Variants in HRNR observed in about 807,000 individuals in gnomAD.
The protein encoded by HRNR is filaggrin family member 3.
A neutral mutation model predicts 4.8 loss-of-function variants in HRNR; 7 were observed. The ratio of observed to expected loss-of-function variants is 1.47; its 90% CI spans 0.83 to 2.75. The LOEUF (loss-of-function observed/expected upper bound fraction) is 2.75. HRNR is among the 30% of genes most tolerant of loss of function. The pLI is 0.00. For missense variants in HRNR, 2,879 were observed against 3,010.4 expected, an observed-to-expected ratio of 0.96 and a Z score of 1.02; for synonymous variants, 1,023 against 1,242.7, an observed-to-expected ratio of 0.82 and a Z score of 3.72.
Position 152,212,915 on chromosome 1 carries a change from T to C in HRNR, c.*161A>G. 2 of 960,302 alleles carry C rather than the reference T, an allele frequency of 2.1e-6. No individual in the cohort carries two copies. The highest frequency in any genetic ancestry group is 3.6e-5 in the South Asian group (2 of 55,774). The allele number at this position is 960,302 out of a possible 1,614,324, so 59.5% of individuals were successfully genotyped here. On this transcript the variant is annotated 3_prime_UTR_variant, in exon 3 of 3. Transcript: ENST00000368801. Reference sequence around the variant, plus strand: ...CTTTGGAAGGAACCCCATAACAAGATATATGCTACAGTTTTAGGCTCTAAA... The same window carrying C: ...CTTTGGAAGGAACCCCATAACAAGACATATGCTACAGTTTTAGGCTCTAAA...
chr1:152,219,009 A>C lies in HRNR; in HGVS notation c.2620T>G (p.Ser874Ala). The stretch of plus-strand genomic sequence containing the variant: ...CGGCCGCGGCCCGAAGCGTGATGGG[A>C]GGCAGACTCATGCTGACCATAGCTG... The part of the protein sequence containing the change: ...SSSYGQHESA[S>A]HHASGRGRHG... Residue 874 changes from serine (S) to alanine (A), a missense_variant, in exon 3 of 3, where the codon TCC (serine) becomes GCC (alanine). Coordinates refer to ENST00000368801, the MANE Select transcript of HRNR (RefSeq NM_001009931.3). The C allele has an allele frequency of 6.2e-7, 1 of 1,613,932 alleles. No homozygotes were observed. The highest frequency in any genetic ancestry group is 1.1e-5 in the South Asian group (1 of 91,062).
chr1:152,218,836 G>C lies in HRNR; in HGVS notation c.2793C>G (p.Gly931=), dbSNP rs182032057. 1 of 1,613,762 alleles carries C rather than the reference G, an allele frequency of 6.2e-7. No homozygotes were observed. Among genetic ancestry groups the C allele is most frequent in the Non-Finnish European group, 8.5e-7 (1 of 1,179,958 alleles). ...GCCCTGAGCTAGACTTGTGACCAAA[G>C]CCAGAAGACTGGCCTGAGCCAGACC... is the stretch of plus-strand genomic sequence containing the variant. ...RHGSGSGQSS[G]FGHKSSSGQS... is the part of the protein sequence containing the mutation. Residue 931 remains glycine, a synonymous_variant, in exon 3 of 3, where the codon GGC becomes GGG. Coordinates refer to ENST00000368801, the MANE Select transcript of HRNR (RefSeq NM_001009931.3).
Position 152,213,187 on chromosome 1 carries a change from T to A in HRNR, c.8442A>T (p.Lys2814Asn). 4 of 1,614,132 alleles carry A rather than the reference T, an allele frequency of 2.5e-6. No homozygotes were observed. Among genetic ancestry groups the A allele is most frequent in the Non-Finnish European group, 2.5e-6 (3 of 1,180,046 alleles). Residue 2814 changes from lysine to asparagine, a missense_variant, in exon 3 of 3, where the codon AAA (lysine) becomes AAT (asparagine). This residue lies in a region of HRNR where 158 missense variants were observed against 107.6 expected (regional missense o/e 1.47). Coordinates refer to ENST00000368801, the MANE Select transcript of HRNR (RefSeq NM_001009931.3). ...TTCCCCCATCATGGTTACTTCCTCC[T>A]TTGCAATAAGAATACCCATCTTGCC... Reference protein sequence around the residue: ...GSGQDGYSYCKGGSNHDGGSS... With the variant: ...GSGQDGYSYCNGGSNHDGGSS...
At position 152,219,375 on chromosome 1, in the gene HRNR, A is replaced by T. The variant is rs1648845693; in HGVS notation, c.2254T>A (p.Tyr752Asn). 1 of 1,613,764 alleles carries T rather than the reference A, an allele frequency of 6.2e-7. No individual in the cohort carries two copies. The highest frequency in any genetic ancestry group is 1.1e-5 in the South Asian group (1 of 91,070). ...HGSSSGLSSS[Y>N]GQHGSGSHQS... Reference sequence around the variant, plus strand: ...TGGGAGCCCGACCCATGCTGACCATAGCTGGAAGACAAACCTGAGCTAGAT... The same window carrying T: ...TGGGAGCCCGACCCATGCTGACCATTGCTGGAAGACAAACCTGAGCTAGAT... Residue 752 changes from tyrosine to asparagine, a missense_variant, in exon 3 of 3, where the codon TAT becomes AAT. This residue lies in a region of HRNR where 2,646 missense variants were observed against 1,377.7 expected (regional missense o/e 1.92). Coordinates refer to ENST00000368801, the MANE Select transcript of HRNR (RefSeq NM_001009931.3).
Position 152,221,398 on chromosome 1 carries a change from C to T in HRNR, c.231G>A (p.Met77Ile). ...KKVDFTEYLL[M>I]IFKLVQARNK... ...TACGAGCCTGAACCAGCTTGAATAT[C>T]ATCAGAAGATACTCAGTAAAATCCA... Residue 77 changes from methionine to isoleucine, a missense_variant, in exon 3 of 3, where the codon ATG becomes ATA. This residue lies in a region of HRNR where 2,646 missense variants were observed against 1,377.7 expected (regional missense o/e 1.92). Transcript: ENST00000368801. The T allele has an allele frequency of 8.1e-6, 13 of 1,613,784 alleles. No individual in the cohort carries two copies. The highest frequency in any genetic ancestry group is 1.1e-5 in the Non-Finnish European group (13 of 1,179,914).
intron 2 of HRNR, among the ~76,000 whole-genome samples, chr1:152,222,673 A>G (rs1649038472): frequency 6.6e-6 from 1 of 152,210 alleles, no homozygotes; most frequent in Admixed American, 6.5e-5. Flanking sequence ...TCTGAAATCC[A>G]CAGAAATCCA....
At position 152,220,262 on chromosome 1, in the gene HRNR, A is replaced by T. The variant is rs770181586; in HGVS notation, c.1367T>A (p.Val456Glu). 2 of 1,612,928 alleles carry T rather than the reference A, an allele frequency of 1.2e-6. No homozygotes were observed. Among genetic ancestry groups the T allele is most frequent in the Non-Finnish European group, 1.7e-6 (2 of 1,179,674 alleles). Residue 456 changes from valine (V) to glutamate (E), a missense_variant, in exon 3 of 3, where the codon GTG (valine) becomes GAG (glutamate). Transcript: ENST00000368801. Reference sequence around the variant, plus strand: ...GCCAGAAGAGTAGCCTGAACCAGACACATATGGGCCACTGCTGGAAGATCG... The same window carrying T: ...GCCAGAAGAGTAGCCTGAACCAGACTCATATGGGCCACTGCTGGAAGATCG... ...FGRSSSSGPY[V>E]SGSGYSSGFG...
At position 152,220,529 on chromosome 1, in the gene HRNR, C is replaced by G. The variant is rs1227683430; in HGVS notation, c.1100G>C (p.Gly367Ala). The G allele has an allele frequency of 8.1e-6, 13 of 1,611,660 alleles. No homozygotes were observed. The highest frequency in any genetic ancestry group is 1.3e-5 in the African/African-American group (1 of 74,968). ...TCCCTGGCTAGAGGAGTGACCTGAG[C>G]CAGAACCATGCTTACTATAGCCAGA... ...QSSGYSKHGSGSGHSSSQGQH... is the reference protein window; with the variant it reads ...QSSGYSKHGSASGHSSSQGQH... Residue 367 changes from glycine (G) to alanine (A), a missense_variant, in exon 3 of 3, where the codon GGC becomes GCC. By Grantham distance (60) the Gly-to-Ala change is moderately conservative. This residue lies in a region of HRNR where 2,646 missense variants were observed against 1,377.7 expected (regional missense o/e 1.92). Transcript: ENST00000368801.
At position 152,220,428 on chromosome 1, in the gene HRNR, C is replaced by T. The variant is rs138689834; in HGVS notation, c.1201G>A (p.Gly401Ser). 137 of 1,614,012 alleles carry T rather than the reference C, an allele frequency of 8.5e-5. No individual in the cohort carries two copies. The highest frequency in any genetic ancestry group is 1.1e-4 in the Non-Finnish European group (124 of 1,180,016). The change falls in exon 3 of 3, where the codon GGT becomes AGT. Residue 401 changes from glycine (G) to serine (S), a missense_variant. Physicochemically the swap from Gly to Ser is moderately conservative, Grantham distance 56 (BLOSUM62 0). Coordinates refer to ENST00000368801, the MANE Select transcript of HRNR (RefSeq NM_001009931.3). ...GSSSRQSSSYGQHESASRHSS... is the reference protein window; with the variant it reads ...GSSSRQSSSYSQHESASRHSS... ...TGACGGGAGGCAGACTCATGCTGAC[C>T]ATAGCTGGAAGACTGACGTGAGCTG...
Position 152,218,472 on chromosome 1 carries a change from G to C in HRNR, c.3157C>G (p.Arg1053Gly), listed in dbSNP as rs141889832. ...GSGHSSGLGH[R>G]ESRSGQSSGY... is the part of the protein sequence containing the mutation. Reference sequence around the variant, plus strand: ...GAGGACTGTCCTGAGCGAGACTCTCGGTGACCTAAGCCAGAAGAGTGACCG... The same window carrying C: ...GAGGACTGTCCTGAGCGAGACTCTCCGTGACCTAAGCCAGAAGAGTGACCG... Residue 1053 changes from arginine (R) to glycine (G), a missense_variant, in exon 3 of 3, where the codon CGA (arginine) becomes GGA (glycine). Coordinates refer to ENST00000368801, the MANE Select transcript of HRNR (RefSeq NM_001009931.3). 6.2e-7 allele frequency: 1 copy of C among 1,613,766 alleles called. No homozygotes were observed. The highest frequency in any genetic ancestry group is 8.5e-7 in the Non-Finnish European group (1 of 1,179,990).
Position 152,221,498 on chromosome 1 carries a change from A to G in HRNR, c.139-8T>C. 6.3e-7 allele frequency: 1 copy of G among 1,579,382 alleles called. No individual in the cohort carries two copies. The highest frequency in any genetic ancestry group is 8.6e-7 in the Non-Finnish European group (1 of 1,161,344). On this transcript the variant is annotated splice_polypyrimidine_tract_variant and splice_region_variant and intron_variant, in intron 2 of 2. Coordinates refer to ENST00000368801, the MANE Select transcript of HRNR (RefSeq NM_001009931.3). ...ATCTGGATCGTTTGGATTCTGTATA[A>G]GAGAAAGGTACAAAGAGTAGCTCTG...
In HRNR at chr1:152,218,459, G is replaced by T; in HGVS notation, c.3170C>A (p.Ser1057Ter). 1 of 1,613,788 alleles carries T rather than the reference G, an allele frequency of 6.2e-7. No homozygotes were observed. Residue 1057 changes from serine (S) to a stop codon, truncating the protein, a stop_gained, in exon 3 of 3, where the codon TCA becomes TAA. Transcript: ENST00000368801. LOFTEE classifies it low-confidence loss of function (END_TRUNC). ...SSGLGHRESR[S>*]GQSSGYGQHG... Reference sequence around the variant, plus strand: ...TTGACCGTAGCCAGAGGACTGTCCTGAGCGAGACTCTCGGTGACCTAAGCC... The same window carrying T: ...TTGACCGTAGCCAGAGGACTGTCCTTAGCGAGACTCTCGGTGACCTAAGCC...
In HRNR at chr1:152,219,112, A is replaced by G. The variant is rs1262284880; in HGVS notation, c.2517T>C (p.Ser839=). 7 of 1,613,286 alleles carry G rather than the reference A, an allele frequency of 4.3e-6. No individual in the cohort carries two copies. In the Admixed American group the frequency reaches 5.0e-5, roughly 12 times the overall value. Residue 839 remains serine (S), a synonymous_variant, in exon 3 of 3, where the codon TCT becomes TCC. Transcript: ENST00000368801. ...ACGTAGATCCATGTCGTCCCTGGCTAGAGAAGTGACCTGAGGCAGAACCAT... is the reference window on the plus strand; with the variant it reads ...ACGTAGATCCATGTCGTCCCTGGCTGGAGAAGTGACCTGAGGCAGAACCAT... The part of the protein sequence containing the change: ...SQHGSASGHF[S]SQGRHGSTSG...
At chr1:152,222,525 T>A (rs1009046201) in intron 2 of HRNR, among the ~76,000 whole-genome samples, 1 of 152,154 alleles carries the variant, frequency 6.6e-6, no homozygotes, top group Non-Finnish European at 1.5e-5. Context: ...TAGTGGTGTC[T>A]GCTGAGAGAG....
Position 152,220,808 on chromosome 1 carries a change from C to G in HRNR, c.821G>C (p.Arg274Thr), listed in dbSNP as rs762879672. 6.2e-7 allele frequency: 1 copy of G among 1,614,008 alleles called. No homozygotes were observed. The highest frequency in any genetic ancestry group is 1.1e-5 in the South Asian group (1 of 91,072). ...GCTGGAAGACGAACCTGAGCTAGAT[C>G]TGTGTCGTTCACCCCTAGATGACTG... is the stretch of plus-strand genomic sequence containing the variant. ...SGQSSRGERH[R>T]SSSGSSSSYG... Residue 274 changes from arginine to threonine, a missense_variant, in exon 3 of 3, where the codon AGA becomes ACA. Physicochemically the swap from Arg to Thr is moderately conservative, Grantham distance 71. This residue lies in a region of HRNR where 2,646 missense variants were observed against 1,377.7 expected (regional missense o/e 1.92). Coordinates refer to ENST00000368801, the MANE Select transcript of HRNR (RefSeq NM_001009931.3).
chr1:152,213,043 G>C lies in HRNR; in HGVS notation c.*33C>G. 1.3e-6 allele frequency: 2 copies of C among 1,580,824 alleles called. No individual in the cohort carries two copies. Among genetic ancestry groups the C allele is most frequent in the South Asian group, 1.2e-5 (1 of 85,294 alleles). ...AGATGACTTTCCTATTTCTTAAATT[G>C]CTACTTGAGTAAATTGCATTTATGT... is the stretch of plus-strand genomic sequence containing the variant. On this transcript the variant is annotated 3_prime_UTR_variant, in exon 3 of 3. Transcript: ENST00000368801.
chr1:152,223,344 G>A, intron 1 of HRNR, 66 bp from the exon 2 acceptor site: 2 of 920,284 alleles, frequency 2.2e-6, no homozygotes, highest in Non-Finnish European at 3.3e-6. Context: ...CACATAAATA[G>A]TTCTAATTAT....
chr1:152,220,620 G>C lies in HRNR; in HGVS notation c.1009C>G (p.His337Asp), dbSNP rs767837897. The change falls in exon 3 of 3, where the codon CAT (histidine) becomes GAT (aspartate). Residue 337 changes from histidine to aspartate, a missense_variant. Physicochemically the swap from His to Asp is moderately conservative, Grantham distance 81. This residue lies in a region of HRNR where 2,646 missense variants were observed against 1,377.7 expected (regional missense o/e 1.92). Coordinates refer to ENST00000368801, the MANE Select transcript of HRNR (RefSeq NM_001009931.3). ...GTCTGGCCTGAGCCAGACTCATAAT[G>C]GCCACGGCTGTAAGAGTAACTTGAG... ...SGSSYSYSRG[H>D]YESGSGQTSG... is the part of the protein sequence containing the mutation. The C allele has an allele frequency of 3.7e-6, 6 of 1,612,022 alleles. No individual in the cohort carries two copies. In the Admixed American group the frequency reaches 1.0e-4, roughly 27 times the overall value.
In HRNR at chr1:152,220,289, C is replaced by G; in HGVS notation, c.1340G>C (p.Gly447Ala). ...ATATGGGCCACTGCTGGAAGATCGA[C>G]CAAAGCCAGTCCCATGTTGGCCGGA... Reference protein sequence around the residue: ...PSSGQHGTGFGRSSSSGPYVS... With the variant: ...PSSGQHGTGFARSSSSGPYVS... The change falls in exon 3 of 3, where the codon GGT becomes GCT. Residue 447 changes from glycine to alanine, a missense_variant. By Grantham distance (60) the Gly-to-Ala change is moderately conservative (BLOSUM62 0). Coordinates refer to ENST00000368801, the MANE Select transcript of HRNR (RefSeq NM_001009931.3). 2 of 1,614,028 alleles carry G rather than the reference C, an allele frequency of 1.2e-6. No homozygotes were observed. Among genetic ancestry groups the G allele is most frequent in the Non-Finnish European group, 8.5e-7 (1 of 1,179,986 alleles).
Sources: gnomAD v4.1 joint callset for allele counts (sites outside exome capture counted in the v4.1 genomes callset) on GRCh38, gnomAD v4.1.1 for gene constraint, gnomAD v4.1.1 regional missense constraint, MANE v1.5 for transcripts, NCBI Gene and HGNC (gene_info 2026-07-23, HGNC 2026-07-21) for gene names.